Variants in GRM8 observed in about 807,000 individuals in gnomAD.
GRM8 encodes the protein glutamate metabotropic receptor 8.
Under a neutral mutation model 87.2 loss-of-function variants are expected in GRM8, and 47 were observed. That is an observed-to-expected ratio of 0.54 (90% CI 0.43 to 0.69). The LOEUF is 0.69. Ranked by LOEUF, GRM8 falls within the 30% of genes least tolerant of loss-of-function variation. The pLI is 0.00. For synonymous variants in GRM8, 396 were observed against 404.5 expected (o/e 0.98, Z 0.25); for missense variants, 1,019 against 1,139.2 (o/e 0.89, Z 1.52).
intron 7 of GRM8, among the ~76,000 whole-genome samples, chr7:126,693,858 TCTC>T: frequency 6.6e-6 from 1 of 152,236 alleles, no homozygotes; most frequent in African/African-American, 2.4e-5. Flanking sequence ...GAAAAATATG[TCTC>T]AAGTTATGTT....
intron 6 of GRM8, among the ~76,000 whole-genome samples, chr7:126,864,381 G>A (rs566559108): frequency 4.0e-5 from 6 of 151,388 alleles, no homozygotes; most frequent in South Asian, 4.2e-4. Context: ...TTCTATCCTC[G>A]ACAGCTCTAT....
At chr7:127,043,801 G>A (rs2132425183) in intron 3 of GRM8, among the ~76,000 whole-genome samples, 1 of 152,248 alleles carries the variant, frequency 6.6e-6, no homozygotes, top group East Asian at 1.9e-4. Context: ...ACCCTTTGCG[G>A]ATAGGTGGCT....
In GRM8 at chr7:126,763,470, TATACACACACAC is replaced by T. The variant is rs1817825168; in HGVS notation, c.1357+6383_1357+6394del. On this transcript the variant is annotated intron_variant, in intron 7 of 10. Coordinates refer to ENST00000339582, the MANE Select transcript of GRM8 (RefSeq NM_000845.3). ...ATATATATATATATATATATATATA[TATACACACACAC>T]ACACACACACACACAATTGTAGAAT... 1.1e-4 allele frequency among the ~76,000 whole-genome samples: 5 copies of T among 45,846 alleles called. No individual in the cohort carries two copies. The East Asian group carries it at 3.5e-3, about 32-fold the overall frequency. The allele number at this position is 45,846 out of a possible 152,430, so 30.1% of individuals were successfully genotyped here. A position where few individuals can be genotyped will look rare whatever the true frequency, so the allele number is the denominator to read the frequency against.
At chr7:126,803,968 TTGAG>T (rs1433489759) in intron 6 of GRM8, among the ~76,000 whole-genome samples, 1 of 152,196 alleles carries the variant, frequency 6.6e-6, no homozygotes, top group Non-Finnish European at 1.5e-5. Context: ...CCCTGACTGA[TTGAG>T]TACCTTTTCT....
intron 8 of GRM8, among the ~76,000 whole-genome samples, chr7:126,548,337 A>G (rs184435098): frequency 1.2e-4 from 18 of 152,148 alleles, no homozygotes; most frequent in African/African-American, 4.1e-4. Flanking sequence ...AAGGACATAA[A>G]CTGGTTAACT....
chr7:126,815,332 G>A (rs1418739519), intron 6 of GRM8, among the ~76,000 whole-genome samples: 1 of 152,060 alleles, frequency 6.6e-6, no homozygotes, highest in East Asian at 1.9e-4. Flanking sequence ...CATTCTATCA[G>A]GGAGAATTAC....
Position 126,911,078 on chromosome 7 carries a change from A to T in GRM8, c.728-6395T>A, listed in dbSNP as rs1357868410. Among the ~76,000 whole-genome samples, 3 of 152,204 alleles carry T rather than the reference A, an allele frequency of 2.0e-5. No individual in the cohort carries two copies. The East Asian group carries it at 5.8e-4, about 29-fold the overall frequency. On this transcript the variant is annotated intron_variant, in intron 3 of 10. Transcript: ENST00000339582. ...ACAGTAATAATCATAGCCAGACAAG[A>T]ATCATCACCAACACTGAGAGATACT...
chr7:126,616,973 C>G (rs1799569989), intron 7 of GRM8, among the ~76,000 whole-genome samples: 1 of 152,192 alleles, frequency 6.6e-6, no homozygotes, highest in African/African-American at 2.4e-5. Context: ...ACCATTCCTT[C>G]TGAAAATATT....
At chr7:126,563,448 G>T (rs771954078) in intron 8 of GRM8, among the ~76,000 whole-genome samples, 6 of 152,132 alleles carry the variant, frequency 3.9e-5, no homozygotes, top group Non-Finnish European at 5.9e-5. Context: ...TCTGGGAAGA[G>T]CTTCCCAAAA....
chr7:127,079,238 T>G (rs1822602407), intron 3 of GRM8, among the ~76,000 whole-genome samples: 1 of 152,174 alleles, frequency 6.6e-6, no homozygotes, highest in Non-Finnish European at 1.5e-5. Context: ...TTCTCCTGCC[T>G]CAGCCTCCCG....
At chr7:126,889,333 G>A (rs1486551676) in intron 6 of GRM8, among the ~76,000 whole-genome samples, 6 of 152,098 alleles carry the variant, frequency 3.9e-5, no homozygotes, top group Admixed American at 3.9e-4. Context: ...TAACAAGGCT[G>A]GGAATTATTA....
chr7:127,199,959 T>C (rs906408041), intron 2 of GRM8, among the ~76,000 whole-genome samples: 2 of 152,250 alleles, frequency 1.3e-5, no homozygotes, highest in African/African-American at 4.8e-5. Context: ...GTGCTTTAAG[T>C]TACTTGTAGA....
chr7:127,072,009 C>G (rs1156652), intron 3 of GRM8, among the ~76,000 whole-genome samples: 52,725 of 151,764 alleles, frequency 0.35, 9,610 homozygotes, highest in Non-Finnish European at 0.41. Flanking sequence ...CTCTCCATTC[C>G]CTTTGATTGC....
intron 7 of GRM8, among the ~76,000 whole-genome samples, chr7:126,653,536 G>C (rs1409335339): frequency 1.3e-5 from 2 of 152,098 alleles, no homozygotes; most frequent in Non-Finnish European, 2.9e-5. Flanking sequence ...TGATTGTATA[G>C]ACAAGAATTA....
intron 9 of GRM8, among the ~76,000 whole-genome samples, chr7:126,477,884 A>C (rs1271164401): frequency 6.6e-6 from 1 of 152,140 alleles, no homozygotes; most frequent in African/African-American, 2.4e-5. Context: ...TCAAGTCTGG[A>C]GACCAAAAGT....
chr7:126,666,388 T>C (rs938504909), intron 7 of GRM8, among the ~76,000 whole-genome samples: 1 of 152,118 alleles, frequency 6.6e-6, no homozygotes, highest in African/African-American at 2.4e-5. Flanking sequence ...TTAAATTTCA[T>C]GGGGAAAAAC....
intron 9 of GRM8, 39 bp downstream of exon 9, chr7:126,532,913 T>A: frequency 8.2e-7 from 1 of 1,219,560 alleles, no homozygotes. Flanking sequence ...AGATGTTAAA[T>A]CCAGGAAAAA....
At chr7:127,136,297 G>C (rs768227418) in intron 2 of GRM8, among the ~76,000 whole-genome samples, 4 of 152,012 alleles carry the variant, frequency 2.6e-5, no homozygotes, top group Non-Finnish European at 5.9e-5. Context: ...AATACACTGC[G>C]AATAGTCTAA....
chr7:126,470,122 A>T (rs1804985855), intron 9 of GRM8, among the ~76,000 whole-genome samples: 1 of 152,164 alleles, frequency 6.6e-6, no homozygotes, highest in Non-Finnish European at 1.5e-5. Flanking sequence ...CCCCTGCCTT[A>T]GAGATCTGTG....
Sources: allele counts gnomAD v4.1 joint callset (sites outside exome capture counted in the v4.1 genomes callset), GRCh38; gene constraint gnomAD v4.1.1; transcripts MANE v1.5; gene names NCBI Gene and HGNC (gene_info 2026-07-23, HGNC 2026-07-21).